HIVEP2: variants seen among roughly 807,000 people sequenced by gnomAD.
HIVEP2 encodes transcription factor HIVEP2.
HIVEP2 carries 14 observed loss-of-function variants against 180.7 expected under a neutral mutation model. That is an observed-to-expected ratio of 0.08 (90% CI 0.05 to 0.12). HIVEP2 has a LOEUF of 0.12. HIVEP2 is among the 10% of genes least tolerant of loss of function. The pLI is 1.00. For synonymous variants in HIVEP2, 1,184 were observed against 1,136.4 expected (o/e 1.04, Z -0.84); for missense variants, 2,579 against 3,008.5 (o/e 0.86, Z 3.34).
chr6:142,793,973 G>T (rs924923365), intron 2 of HIVEP2: 1 of 151,970 alleles, frequency 6.6e-6, no homozygotes. Context: ...AGCCCTCATG[G>T]TTTATAATTT....
At chr6:142,918,228 T>C (rs1366300474) in intron 1 of HIVEP2, among the ~76,000 whole-genome samples, 3 of 152,164 alleles carry the variant, frequency 2.0e-5, no homozygotes, top group African/African-American at 7.2e-5. Context: ...TATTTATCAA[T>C]AGAGACCGGG....
chr6:142,757,242 A>G (rs1775100209), intron 9 of HIVEP2, among the ~76,000 whole-genome samples: 1 of 152,178 alleles, frequency 6.6e-6, no homozygotes, highest in Non-Finnish European at 1.5e-5. Context: ...ATCAGGGAGG[A>G]TTCCCAGATC....
At chr6:142,839,142 G>A (rs1338878243) in intron 1 of HIVEP2, among the ~76,000 whole-genome samples, 2 of 152,122 alleles carry the variant, frequency 1.3e-5, no homozygotes, top group East Asian at 3.8e-4. Flanking sequence ...TCTGTTGCCT[G>A]TGCAACAGGT....
At chr6:142,758,632 T>A (rs1000543239) in intron 9 of HIVEP2, among the ~76,000 whole-genome samples, 9 of 152,106 alleles carry the variant, frequency 5.9e-5, no homozygotes, top group African/African-American at 1.4e-4. Context: ...ATTCATTTTT[T>A]AAAATCCTAC....
chr6:142,766,786 T>C (rs1277712874), intron 6 of HIVEP2, among the ~76,000 whole-genome samples: 1 of 152,194 alleles, frequency 6.6e-6, no homozygotes, highest in Non-Finnish European at 1.5e-5. Context: ...TGAAAAACAT[T>C]CAAAGCTGTG....
At chr6:142,882,337 G>A (rs1024543254) in intron 1 of HIVEP2, among the ~76,000 whole-genome samples, 1 of 152,134 alleles carries the variant, frequency 6.6e-6, no homozygotes, top group African/African-American at 2.4e-5. Context: ...GAGGCAGAGG[G>A]CAGTAGCTCA....
chr6:142,814,387 A>G (rs1420803999), intron 2 of HIVEP2, among the ~76,000 whole-genome samples: 1 of 152,204 alleles, frequency 6.6e-6, no homozygotes, highest in African/African-American at 2.4e-5. Flanking sequence ...CTTTGGAACC[A>G]GTGTGGAGAA....
intron 1 of HIVEP2, among the ~76,000 whole-genome samples, chr6:142,916,531 C>T (rs1384594813): frequency 2.0e-5 from 3 of 152,108 alleles, no homozygotes; most frequent in Non-Finnish European, 4.4e-5. Context: ...TCCACCAACC[C>T]CTTCACTTAT....
intron 2 of HIVEP2, among the ~76,000 whole-genome samples, chr6:142,799,670 C>T (rs1409509593): frequency 6.6e-6 from 1 of 152,214 alleles, no homozygotes; most frequent in East Asian, 1.9e-4. Flanking sequence ...TATTGAAGTC[C>T]CAAACATCAG....
At chr6:142,912,456 G>T (rs1777435865) in intron 1 of HIVEP2, among the ~76,000 whole-genome samples, 1 of 152,142 alleles carries the variant, frequency 6.6e-6, no homozygotes. Flanking sequence ...CTCTTCTCGT[G>T]GCTGTTTTCA....
chr6:142,858,948 C>A (rs1313762122), intron 1 of HIVEP2, among the ~76,000 whole-genome samples: 1 of 152,098 alleles, frequency 6.6e-6, no homozygotes, highest in African/African-American at 2.4e-5. Context: ...TACTATACTG[C>A]AGTTTGTTTA....
chr6:142,805,145 G>C (rs1582875123), intron 2 of HIVEP2, among the ~76,000 whole-genome samples: 2 of 152,230 alleles, frequency 1.3e-5, no homozygotes, highest in African/African-American at 4.8e-5. Flanking sequence ...AAGATGGGCT[G>C]TAAACAGGGG....
At chr6:142,797,308 T>G (rs914279005) in intron 2 of HIVEP2, among the ~76,000 whole-genome samples, 1 of 152,160 alleles carries the variant, frequency 6.6e-6, no homozygotes, top group Non-Finnish European at 1.5e-5. Flanking sequence ...CACTCCAAAT[T>G]TATGTGAAAT....
At chr6:142,840,044 G>A (rs1775323827) in intron 1 of HIVEP2, among the ~76,000 whole-genome samples, 1 of 152,106 alleles carries the variant, frequency 6.6e-6, no homozygotes, top group Non-Finnish European at 1.5e-5. Context: ...AAGGAAAAGG[G>A]GAGAGTAATG....
intron 1 of HIVEP2, among the ~76,000 whole-genome samples, chr6:142,841,265 C>A (rs1199164479): frequency 6.6e-6 from 1 of 152,088 alleles, no homozygotes. Flanking sequence ...AGTTTTCCTT[C>A]CTCACACATC....
chr6:142,841,590 A>G (rs1176725285), intron 1 of HIVEP2, among the ~76,000 whole-genome samples: 4 of 151,840 alleles, frequency 2.6e-5, no homozygotes, highest in Non-Finnish European at 4.4e-5. Flanking sequence ...ATTTTCACCC[A>G]TTTTTTCAGA....
intron 1 of HIVEP2, among the ~76,000 whole-genome samples, chr6:142,840,269 C>T (rs1025123349): frequency 7.2e-6 from 1 of 139,794 alleles, no homozygotes; most frequent in Admixed American, 7.3e-5. Flanking sequence ...CCCCTTGTGG[C>T]TAATTAGTAC....
At chr6:142,849,635 C>A (rs1562263505) in intron 1 of HIVEP2, among the ~76,000 whole-genome samples, 1 of 152,076 alleles carries the variant, frequency 6.6e-6, no homozygotes, top group Non-Finnish European at 1.5e-5. Flanking sequence ...CCACCTCAGC[C>A]TCCTGAGCAG....
At chr6:142,897,227 G>A (rs1218701902) in intron 1 of HIVEP2, among the ~76,000 whole-genome samples, 1 of 152,130 alleles carries the variant, frequency 6.6e-6, no homozygotes, top group Non-Finnish European at 1.5e-5. Flanking sequence ...TGGCCAAAAT[G>A]CAAAAGATGA....
Sources: allele counts gnomAD v4.1 joint callset (sites outside exome capture counted in the v4.1 genomes callset), GRCh38; gene constraint gnomAD v4.1.1; transcripts MANE v1.5; gene names NCBI Gene and HGNC (gene_info 2026-07-23, HGNC 2026-07-21).